The following PDXDC1 variants were observed in gnomAD, a reference collection of about 807,000 sequenced individuals.
PDXDC1 encodes the protein pyridoxal dependent decarboxylase domain containing 1.
PDXDC1 carries 42 observed loss-of-function variants against 100.1 expected under a neutral mutation model. That is an observed-to-expected ratio of 0.42 (90% CI 0.33 to 0.54). The LOEUF (loss-of-function observed/expected upper bound fraction) is 0.54. PDXDC1 is among the 20% of genes least tolerant of loss of function. The pLI, the probability that PDXDC1 is intolerant of heterozygous loss-of-function variation, is 0.10. For synonymous variants in PDXDC1, 260 were observed against 371.7 expected (o/e 0.70, Z 3.46); for missense variants, 636 against 979.2 (o/e 0.65, Z 4.68).
chr16:15,111,152 AC>A (rs2047039518), intron 16 of PDXDC1, among the ~76,000 whole-genome samples: 1 of 146,672 alleles, frequency 6.8e-6, no homozygotes, highest in South Asian at 2.2e-4. Context: ...ACACACACAC[AC>A]ACAAAACACA....
intron 16 of PDXDC1, among the ~76,000 whole-genome samples, chr16:15,082,986 C>A (rs1197719035): frequency 1.3e-5 from 2 of 151,892 alleles, no homozygotes; most frequent in Admixed American, 1.3e-4. Flanking sequence ...CAGACCTTGA[C>A]TTGCACATAG....
chr16:15,041,166 AAATGATTATTTTTACTTTGTATAAT>A (rs1445053426), downstream of PDXDC1: 1 of 1,200,088 alleles, frequency 8.3e-7, no homozygotes, highest in East Asian at 2.3e-5. Context: ...AAGAAATACC[AAATGATTATTTTTACTTTGTATAAT>A]AAAGGCGAAG....
chr16:15,137,320 G>C, intron 16 of PDXDC1: 1 of 1,303,624 alleles, frequency 7.7e-7, no homozygotes. Context: ...GCGGCGGGGG[G>C]CCGGAGCAGA....
Position 14,986,478 on chromosome 16 carries a change from C to A in PDXDC1, c.21+11258C>A, listed in dbSNP as rs575773451. Among the ~76,000 whole-genome samples, 7 of 152,402 alleles carry A rather than the reference C, an allele frequency of 4.6e-5. No homozygotes were observed. The South Asian group carries it at 1.0e-3, about 23-fold the overall frequency. On this transcript the variant is annotated intron_variant, in intron 1 of 22. Coordinates refer to ENST00000396410, the MANE Select transcript of PDXDC1 (RefSeq NM_015027.4). ...AATGAGACTGCATCTCGAAAAAAGT[C>A]TCAGTTCTGTGACAGTGAGCATGCA...
chr16:15,126,095 C>A (rs1229179347), intron 16 of PDXDC1: 2 of 493,134 alleles, frequency 4.1e-6, no homozygotes. Flanking sequence ...AGTGCACTGG[C>A]GCAATCTCAG....
chr16:15,144,133 C>G (rs906481228), downstream of PDXDC1, among the ~76,000 whole-genome samples: 2 of 152,140 alleles, frequency 1.3e-5, no homozygotes, highest in African/African-American at 4.8e-5. Context: ...GCAAGAGGAC[C>G]CCCAGGCCCG....
chr16:15,088,042 G>A (rs762112650), intron 16 of PDXDC1, among the ~76,000 whole-genome samples: 4 of 152,020 alleles, frequency 2.6e-5, no homozygotes, highest in South Asian at 2.1e-4. Context: ...TAAAAAACTC[G>A]GAGGCAGAGG....
At chr16:14,993,277 T>C (rs188725527) in intron 1 of PDXDC1, among the ~76,000 whole-genome samples, 238 of 152,104 alleles carry the variant, frequency 1.6e-3, no homozygotes, top group African/African-American at 5.2e-3. Flanking sequence ...TATCTCCTAA[T>C]GCTATCCCTC....
intron 9 of PDXDC1, 72 bp from the exon 10 acceptor site, chr16:15,017,048 T>C (rs2041846250): frequency 6.6e-7 from 1 of 1,525,632 alleles, no homozygotes; most frequent in African/African-American, 1.4e-5. Context: ...AGCACAGCCT[T>C]TATTTTTTTA....
At chr16:15,071,007 T>G in intron 16 of PDXDC1, 1 of 856,692 alleles carries the variant, frequency 1.2e-6, no homozygotes, top group South Asian at 1.9e-5. Context: ...AGTAGGGATT[T>G]TATTCACTTT....
chr16:15,074,621 T>G (rs1309461590), intron 16 of PDXDC1: 10 of 819,260 alleles, frequency 1.2e-5, no homozygotes, highest in Non-Finnish European at 1.8e-5. Flanking sequence ...ATAGATATTT[T>G]TACAGGATTT....
chr16:14,985,155 G>A (rs868866574), intron 1 of PDXDC1, among the ~76,000 whole-genome samples: 1 of 152,392 alleles, frequency 6.6e-6, no homozygotes, highest in South Asian at 2.1e-4. Context: ...GGGATTACAG[G>A]TGTGAGCCAC....
Position 15,055,971 on chromosome 16 carries a change from T to TCGCGGAGGCGGCCGCCCAGGCAGGCC in PDXDC1, c.1399+25917_1399+25942dup. On this transcript the variant is annotated intron_variant, in intron 16 of 16. Coordinates refer to the PDXDC1 transcript ENST00000535621. ...CGCCGCCCCTCGACGAGCAGCGGCA[T>TCGCGGAGGCGGCCGCCCAGGCAGGCC]CGCGGAGGCGGCCGCCCAGGCAGGC... 2.5e-6 allele frequency: 3 copies of TCGCGGAGGCGGCCGCCCAGGCAGGCC among 1,222,828 alleles called. No individual in the cohort carries two copies. In the South Asian group the frequency reaches 1.2e-4, roughly 50 times the overall value. The allele number at this position is 1,222,828 out of a possible 1,614,324, so 75.7% of individuals were successfully genotyped here.
At chr16:15,049,888 T>TA (rs1284988862) in intron 16 of PDXDC1, among the ~76,000 whole-genome samples, 1 of 152,190 alleles carries the variant, frequency 6.6e-6, no homozygotes, top group Non-Finnish European at 1.5e-5. Context: ...TACAAAAGTA[T>TA]AAAAAATGTT....
intron 18 of PDXDC1, 99 bp downstream of exon 18, chr16:15,033,078 C>T (rs763912554): frequency 5.2e-5 from 51 of 988,294 alleles, no homozygotes; most frequent in East Asian, 1.7e-4. Flanking sequence ...TAGCGCCTCT[C>T]GGGCTGGGTT....
chr16:15,135,930 T>G, intron 16 of PDXDC1: 2 of 1,580,830 alleles, frequency 1.3e-6, no homozygotes, highest in Non-Finnish European at 1.7e-6. Flanking sequence ...TGAGGCCGGC[T>G]CACGTCCACG....
chr16:14,985,174 A>T (rs1969046231), intron 1 of PDXDC1, among the ~76,000 whole-genome samples: 1 of 151,704 alleles, frequency 6.6e-6, no homozygotes, highest in Non-Finnish European at 1.5e-5. Context: ...ACTGCCTAAG[A>T]TGAAAAAATT....
At chr16:15,106,599 C>G (rs577198399) in intron 16 of PDXDC1, among the ~76,000 whole-genome samples, 1 of 149,680 alleles carries the variant, frequency 6.7e-6, no homozygotes, top group Non-Finnish European at 1.5e-5. Flanking sequence ...ACTAAAAATA[C>G]AAAAAATTAG....
chr16:14,977,612 G>A (rs1179797338), intron 1 of PDXDC1, among the ~76,000 whole-genome samples: 1 of 152,276 alleles, frequency 6.6e-6, no homozygotes, highest in African/African-American at 2.4e-5. Context: ...AGTAATACAG[G>A]GCCTTAGATG....
Sources: gnomAD v4.1 joint callset for allele counts (sites outside exome capture counted in the v4.1 genomes callset) on GRCh38, gnomAD v4.1.1 for gene constraint, MANE v1.5 for transcripts, NCBI Gene and HGNC (gene_info 2026-07-23, HGNC 2026-07-21) for gene names.